ELMO1: variants seen among roughly 807,000 people sequenced by gnomAD.
The protein encoded by ELMO1 is engulfment and cell motility protein 1.
Under a neutral mutation model 98.9 loss-of-function variants are expected in ELMO1, and 26 were observed. That is an observed-to-expected ratio of 0.26 (90% CI 0.19 to 0.36). The LOEUF is 0.36. Ranked by LOEUF, ELMO1 falls within the 10% of genes least tolerant of loss-of-function variation. The pLI, the probability that ELMO1 is intolerant of heterozygous loss-of-function variation, is 1.00. For missense variants in ELMO1, 627 were observed against 935.2 expected, an observed-to-expected ratio of 0.67 and a Z score of 4.30; for synonymous variants, 346 against 346.0, an observed-to-expected ratio of 1.00 and a Z score of 0.00.
chr7:37,282,400 A>G lies in ELMO1; in HGVS notation c.193-10518T>C, dbSNP rs184717402. Among the ~76,000 whole-genome samples the G allele has an allele frequency of 3.3e-3, 497 of 152,260 alleles. 1 individual carries two copies. The highest frequency in any genetic ancestry group is 5.6e-3 in the Non-Finnish European group (380 of 68,018). On this transcript the variant is annotated intron_variant, in intron 4 of 21. Coordinates refer to ENST00000310758, the MANE Select transcript of ELMO1 (RefSeq NM_014800.11). ...TGCTGTTCTTCAGGTCCATTTCTTAATCATCACAGAAACTGTTTTTGCATG... is the reference window on the plus strand; with the variant it reads ...TGCTGTTCTTCAGGTCCATTTCTTAGTCATCACAGAAACTGTTTTTGCATG...
chr7:36,864,907 G>C (rs962883595), intron 20 of ELMO1, among the ~76,000 whole-genome samples: 3 of 152,202 alleles, frequency 2.0e-5, no homozygotes, highest in Admixed American at 2.0e-4. Context: ...GAGGAAGCCT[G>C]AGTCCTAGGG....
At chr7:37,215,066 C>T (rs6967358) in intron 11 of ELMO1, among the ~76,000 whole-genome samples, 42,046 of 152,128 alleles carry the variant, frequency 0.28, 6,402 homozygotes, top group African/African-American at 0.4. Flanking sequence ...ACTTCCAAAA[C>T]CACAATTGGA....
chr7:37,322,822 G>GA (rs927557763), intron 2 of ELMO1, among the ~76,000 whole-genome samples: 3 of 151,404 alleles, frequency 2.0e-5, no homozygotes, highest in Admixed American at 2.0e-4. Context: ...GCTCTGTCTC[G>GA]AAAAAAAATT....
At chr7:37,160,629 T>C (rs1789134642) in intron 13 of ELMO1, among the ~76,000 whole-genome samples, 1 of 152,150 alleles carries the variant, frequency 6.6e-6, no homozygotes, top group African/African-American at 2.4e-5. Flanking sequence ...TTGGAAGGAA[T>C]AAGTCAAAGG....
chr7:37,262,949 C>A (rs1796050011), intron 5 of ELMO1, among the ~76,000 whole-genome samples: 1 of 152,160 alleles, frequency 6.6e-6, no homozygotes. Context: ...CTCAGCTGGG[C>A]AGTAACCCTC....
At chr7:37,215,920 T>C (rs923662639) in intron 11 of ELMO1, among the ~76,000 whole-genome samples, 1 of 152,234 alleles carries the variant, frequency 6.6e-6, no homozygotes, top group African/African-American at 2.4e-5. Flanking sequence ...TGTTTTTAAC[T>C]GTAAGCTTGC....
At chr7:37,275,909 A>G (rs1290893857) in intron 4 of ELMO1, among the ~76,000 whole-genome samples, 1 of 152,220 alleles carries the variant, frequency 6.6e-6, no homozygotes, top group Non-Finnish European at 1.5e-5. Context: ...CTTTTTCACC[A>G]TATGCTGATG....
intron 15 of ELMO1, among the ~76,000 whole-genome samples, chr7:37,052,500 AT>A (rs1408199985): frequency 6.6e-6 from 1 of 152,134 alleles, no homozygotes; most frequent in Non-Finnish European, 1.5e-5. Context: ...CATATCCAAT[AT>A]TTGCCTTCAT....
At chr7:37,242,342 C>T (rs1328540406) in intron 7 of ELMO1, among the ~76,000 whole-genome samples, 1 of 152,132 alleles carries the variant, frequency 6.6e-6, no homozygotes, top group Non-Finnish European at 1.5e-5. Context: ...CCCATCTGTG[C>T]ATTCATTACA....
intron 15 of ELMO1, among the ~76,000 whole-genome samples, chr7:37,032,707 C>T (rs933581062): frequency 1.3e-5 from 2 of 152,204 alleles, no homozygotes; most frequent in Non-Finnish European, 2.9e-5. Flanking sequence ...TCAAGATGCT[C>T]ATGACCTGTC....
intron 1 of ELMO1, among the ~76,000 whole-genome samples, chr7:37,362,689 A>T (rs560326570): frequency 5.6e-4 from 85 of 152,286 alleles, no homozygotes; most frequent in African/African-American, 2.0e-3. Context: ...TCTCAAATTT[A>T]ACATATCAAA....
At chr7:36,968,706 AG>A (rs1225744124) in intron 16 of ELMO1, among the ~76,000 whole-genome samples, 1 of 152,174 alleles carries the variant, frequency 6.6e-6, no homozygotes, top group Non-Finnish European at 1.5e-5. Context: ...TAACAGAAAT[AG>A]TTCTTAGATT....
At chr7:37,090,801 T>C (rs1414988395) in intron 15 of ELMO1, among the ~76,000 whole-genome samples, 1 of 152,184 alleles carries the variant, frequency 6.6e-6, no homozygotes, top group African/African-American at 2.4e-5. Flanking sequence ...TCAAATGTAA[T>C]GTTACAAATG....
At chr7:37,373,380 G>A (rs1392898304) in intron 1 of ELMO1, among the ~76,000 whole-genome samples, 1 of 152,166 alleles carries the variant, frequency 6.6e-6, no homozygotes, top group East Asian at 1.9e-4. Context: ...CTTGAGGCGG[G>A]CAGATCACCT....
intron 5 of ELMO1, among the ~76,000 whole-genome samples, chr7:37,260,273 G>A (rs1795912485): frequency 6.6e-6 from 1 of 152,166 alleles, no homozygotes. Flanking sequence ...TCGGGTACTT[G>A]CTTTCTCTTT....
intron 1 of ELMO1, among the ~76,000 whole-genome samples, chr7:37,361,566 G>T (rs527741461): frequency 1.3e-5 from 2 of 152,300 alleles, no homozygotes; most frequent in African/African-American, 4.8e-5. Flanking sequence ...TACAGAAAAT[G>T]TATACCAATC....
At chr7:37,151,832 A>T (rs1266171828) in intron 13 of ELMO1, among the ~76,000 whole-genome samples, 1 of 152,170 alleles carries the variant, frequency 6.6e-6, no homozygotes, top group African/African-American at 2.4e-5. Context: ...ACAAATACCG[A>T]GGAGAAATTT....
chr7:37,084,014 T>C (rs1783622426), intron 15 of ELMO1, among the ~76,000 whole-genome samples: 1 of 152,102 alleles, frequency 6.6e-6, no homozygotes, highest in African/African-American at 2.4e-5. Flanking sequence ...CTGGAGGCAG[T>C]TGGGGATATA....
intron 13 of ELMO1, among the ~76,000 whole-genome samples, chr7:37,144,497 T>C (rs775188261): frequency 5.9e-5 from 9 of 152,200 alleles, no homozygotes; most frequent in Admixed American, 1.3e-4. Context: ...TCTTTTCTTG[T>C]TCCATGTTAT....
Sources: allele counts gnomAD v4.1 joint callset (sites outside exome capture counted in the v4.1 genomes callset), GRCh38; gene constraint gnomAD v4.1.1; transcripts MANE v1.5; gene names NCBI Gene and HGNC (gene_info 2026-07-23, HGNC 2026-07-21).